EIF2AK2: variants seen among roughly 807,000 people sequenced by gnomAD.
The protein encoded by EIF2AK2 is interferon-induced, double-stranded RNA-activated protein kinase.
A neutral mutation model predicts 70.5 loss-of-function variants in EIF2AK2; 40 were observed. That is an observed-to-expected ratio of 0.57 (90% CI 0.44 to 0.74). The LOEUF is 0.74. Ranked by LOEUF, EIF2AK2 falls within the 30% of genes least tolerant of loss-of-function variation. The pLI is 0.00. For synonymous variants in EIF2AK2, 198 were observed against 220.9 expected (o/e 0.90, Z 0.92); for missense variants, 555 against 644.3 (o/e 0.86, Z 1.50).
intron 13 of EIF2AK2, among the ~76,000 whole-genome samples, chr2:37,118,373 G>A (rs1281266368): frequency 6.6e-6 from 1 of 152,078 alleles, no homozygotes; most frequent in Non-Finnish European, 1.5e-5. Flanking sequence ...TTGAGCAACT[G>A]CAGCCAGAGT....
At chr2:37,141,400 CA>C (rs1338383133) in intron 5 of EIF2AK2, among the ~76,000 whole-genome samples, 152 bp downstream of exon 5, 1 of 152,126 alleles carries the variant, frequency 6.6e-6, no homozygotes, top group Non-Finnish European at 1.5e-5. Context: ...ATTTTAATTA[CA>C]AATTATAAAT....
intron 10 of EIF2AK2, among the ~76,000 whole-genome samples, chr2:37,134,422 A>C (rs1675053676): frequency 6.6e-6 from 1 of 152,166 alleles, no homozygotes; most frequent in African/African-American, 2.4e-5. Context: ...TGACCATCAA[A>C]CTAACCGAGT....
At chr2:37,108,274 C>T (rs1674030607) in intron 15 of EIF2AK2, among the ~76,000 whole-genome samples, 1 of 152,112 alleles carries the variant, frequency 6.6e-6, no homozygotes, top group African/African-American at 2.4e-5. Context: ...CCTCACCAAC[C>T]ACTACTTCCT....
intron 10 of EIF2AK2, among the ~76,000 whole-genome samples, chr2:37,130,112 T>A (rs975576789): frequency 1.3e-5 from 2 of 152,128 alleles, no homozygotes; most frequent in Non-Finnish European, 2.9e-5. Context: ...TTTTATTTTA[T>A]TTTTTTGAGA....
rs778985840 is a variant in EIF2AK2, at chr2:37,114,798, G to T, written c.1310C>A (p.Thr437Lys). ...QVKIGDFGLV[T>K]SLKNDGKRTR... ...TCGCTTTCCATCATTTTTCAGAGATGTTACAAGTCCAAAGTCTCCAATCTT... is the reference window on the plus strand; with the variant it reads ...TCGCTTTCCATCATTTTTCAGAGATTTTACAAGTCCAAAGTCTCCAATCTT... The change falls in exon 14 of 17, where the codon ACA becomes AAA. Residue 437 changes from threonine to lysine, a missense_variant. By Grantham distance (78) the Thr-to-Lys change is moderately conservative. Around this residue, in one of 3 missense-constraint regions of EIF2AK2, gnomAD observed 299 missense variants for 375.4 expected, o/e 0.80. Coordinates refer to ENST00000233057, the MANE Select transcript of EIF2AK2 (RefSeq NM_001135651.3). 1 of 1,601,028 alleles carries T rather than the reference G, an allele frequency of 6.2e-7. No individual in the cohort carries two copies. The highest frequency in any genetic ancestry group is 2.3e-5 in the East Asian group (1 of 44,088).
chr2:37,137,473 T>G (rs1177439747), intron 8 of EIF2AK2, among the ~76,000 whole-genome samples: 1 of 152,188 alleles, frequency 6.6e-6, no homozygotes, highest in East Asian at 1.9e-4. Context: ...GTCTGGTTTT[T>G]GTTTGTTTGT....
At chr2:37,113,048 G>T (rs1490487007) in intron 14 of EIF2AK2, among the ~76,000 whole-genome samples, 2 of 152,176 alleles carry the variant, frequency 1.3e-5, no homozygotes, top group African/African-American at 4.8e-5. Flanking sequence ...GGAAAATCAA[G>T]TTAGATTCCT....
chr2:37,122,193 A>C (rs946854616), intron 12 of EIF2AK2, among the ~76,000 whole-genome samples: 1 of 152,182 alleles, frequency 6.6e-6, no homozygotes, highest in Non-Finnish European at 1.5e-5. Flanking sequence ...ACTACACTTA[A>C]ACAGCCTGCG....
In EIF2AK2 at chr2:37,120,051, G is replaced by A. The variant is rs770349755; in HGVS notation, c.1156C>T (p.Leu386=). The change falls in exon 13 of 17, where the codon CTA becomes TTA. Residue 386 remains leucine (L), a synonymous_variant. Coordinates refer to ENST00000233057, the MANE Select transcript of EIF2AK2 (RefSeq NM_001135651.3). ...QWIEKRRGEK[L]DKVLALELFE... ...AGTTCCAAAGCCAAAACTTTGTCTAGTTTCTCGCCTCTTCTTTTTTCAATC... is the reference window on the plus strand; with the variant it reads ...AGTTCCAAAGCCAAAACTTTGTCTAATTTCTCGCCTCTTCTTTTTTCAATC... 2 of 1,565,132 alleles carry A rather than the reference G, an allele frequency of 1.3e-6. No homozygotes were observed. Among genetic ancestry groups the A allele is most frequent in the Non-Finnish European group, 8.7e-7 (1 of 1,152,388 alleles).
intron 6 of EIF2AK2, among the ~76,000 whole-genome samples, 199 bp downstream of exon 6, chr2:37,139,432 C>T (rs1337400726): frequency 1.3e-5 from 2 of 152,072 alleles, no homozygotes; most frequent in Non-Finnish European, 2.9e-5. Flanking sequence ...TTAAAAACTA[C>T]CCTGAGTTGC....
chr2:37,120,213 A>C, intron 12 of EIF2AK2, 74 bp from the exon 13 acceptor site: 1 of 1,015,378 alleles, frequency 9.8e-7, no homozygotes, highest in East Asian at 3.4e-5. Context: ...ATAACTTTTT[A>C]AAGTTTTTCA....
chr2:37,154,338 AAAAAC>A (rs1675847935), intron 1 of EIF2AK2, among the ~76,000 whole-genome samples: 1 of 141,646 alleles, frequency 7.1e-6, no homozygotes, highest in Non-Finnish European at 1.6e-5. Context: ...AAAAAAAAAC[AAAAAC>A]AAAACAAACA....
chr2:37,115,600 C>A (rs1267331829), intron 13 of EIF2AK2, among the ~76,000 whole-genome samples: 2 of 152,128 alleles, frequency 1.3e-5, no homozygotes, highest in East Asian at 3.9e-4. Flanking sequence ...TGAACAACCA[C>A]TTGAGGAAAT....
rs537656116 is a variant in EIF2AK2, at chr2:37,117,835, T to C, written c.1248+2124A>G. The stretch of plus-strand genomic sequence containing the variant: ...GAAAGTGGTAAACACTTGGAGACTT[T>C]TGTAAGAGGGGCTGTGTTAGGTAAA... On this transcript the variant is annotated intron_variant, in intron 13 of 16. Coordinates refer to ENST00000233057, the MANE Select transcript of EIF2AK2 (RefSeq NM_001135651.3). Among the ~76,000 whole-genome samples the C allele has an allele frequency of 5.4e-4, 82 of 152,298 alleles. 1 individual carries two copies. The highest frequency in any genetic ancestry group is 1.2e-3 in the Non-Finnish European group (80 of 68,016).
rs146374966 is a variant in EIF2AK2 at position 37,114,029 on chromosome 2, G to C, written c.1377+702C>G. Among the ~76,000 whole-genome samples, 355 of 152,246 alleles carry C rather than the reference G, an allele frequency of 2.3e-3. 2 individuals are homozygous for C. Among genetic ancestry groups the C allele is most frequent in the African/African-American group, 7.0e-3 (289 of 41,540 alleles). On this transcript the variant is annotated intron_variant, in intron 14 of 16. Coordinates refer to ENST00000233057, the MANE Select transcript of EIF2AK2 (RefSeq NM_001135651.3). ...GAGGAATGTCTAAGTGTATGAAGTT[G>C]TAAACAACCTAAAGAAATACCCTTC...
In EIF2AK2 at chr2:37,132,444, C is replaced by G. The variant is rs370043701; in HGVS notation, c.785+3040G>C. ...GTCTCTACTAAAAATACAAAATTAG[C>G]CAGCCATGGTGGTGCGTGCCTGTAA... On this transcript the variant is annotated intron_variant, in intron 10 of 16. Transcript: ENST00000233057. Among the ~76,000 whole-genome samples the G allele has an allele frequency of 3.9e-5, 6 of 152,218 alleles. No homozygotes were observed. In the East Asian group the frequency reaches 1.2e-3, roughly 29 times the overall value.
At chr2:37,147,629 C>T (rs4648160) in intron 3 of EIF2AK2, 59 bp downstream of exon 3, 46,349 of 1,157,432 alleles carry the variant, frequency 0.04, 1,111 homozygotes, top group Middle Eastern at 0.048. Flanking sequence ...CATGTCCCTA[C>T]AAAGGACATG....
chr2:37,126,433 T>C (rs2148684260), intron 10 of EIF2AK2, 22 bp from the exon 11 acceptor site: 1 of 1,598,094 alleles, frequency 6.3e-7, no homozygotes, highest in East Asian at 2.2e-5. Context: ...AAACCACTGT[T>C]ATTTTGACAT....
At chr2:37,152,558 G>C (rs555875041) in intron 1 of EIF2AK2, among the ~76,000 whole-genome samples, 1 of 152,242 alleles carries the variant, frequency 6.6e-6, no homozygotes, top group East Asian at 1.9e-4. Flanking sequence ...TGGGATTACA[G>C]GTGTGGGCCA....
Sources: gnomAD v4.1 joint callset for allele counts (sites outside exome capture counted in the v4.1 genomes callset) on GRCh38, gnomAD v4.1.1 for gene constraint, gnomAD v4.1.1 regional missense constraint, MANE v1.5 for transcripts, NCBI Gene and HGNC (gene_info 2026-07-23, HGNC 2026-07-21) for gene names.